Variants in MSTO1 observed in about 807,000 individuals in gnomAD.
MSTO1 encodes misato mitochondrial distribution and morphology regulator 1.
Under a neutral mutation model 55.7 loss-of-function variants are expected in MSTO1, and 24 were observed. The observed-to-expected ratio is 0.43, with a 90% confidence interval of 0.31 to 0.61. The LOEUF is 0.61. Ranked by LOEUF, MSTO1 falls within the 20% of genes least tolerant of loss-of-function variation. The pLI, the probability that MSTO1 is intolerant of heterozygous loss-of-function variation, is 0.09. For missense variants in MSTO1, 363 were observed against 625.7 expected (o/e 0.58, Z 4.48); for synonymous variants, 162 against 252.8 (o/e 0.64, Z 3.41).
chr1:155,604,518 T>G, the MSTO1 span, among the ~76,000 whole-genome samples: 2 of 152,252 alleles, frequency 1.3e-5, no homozygotes, highest in Non-Finnish European at 2.9e-5. Context: ...AATGAGAAAG[T>G]AATTCAAATT....
chr1:155,600,600 T>A, the MSTO1 span, among the ~76,000 whole-genome samples: 1 of 151,708 alleles, frequency 6.6e-6, no homozygotes. Context: ...CAGACTGGAG[T>A]GCAGTGGCAC....
chr1:155,574,778 G>T, the MSTO1 span, among the ~76,000 whole-genome samples: 1 of 152,060 alleles, frequency 6.6e-6, no homozygotes, highest in Non-Finnish European at 1.5e-5. Context: ...ATGTTGCCCA[G>T]GCTGGTCTCG....
At chr1:155,590,713 G>C in the MSTO1 span, 1 of 1,566,500 alleles carries the variant, frequency 6.4e-7, no homozygotes, top group Non-Finnish European at 8.7e-7. Context: ...GGAGGGGCAA[G>C]TGCAGCACAG....
upstream of MSTO1, among the ~76,000 whole-genome samples, chr1:155,609,585 A>G (rs927785184): frequency 6.6e-6 from 1 of 152,188 alleles, no homozygotes. Context: ...TGGCGTATTC[A>G]TACAATGGAC....
the MSTO1 span, among the ~76,000 whole-genome samples, chr1:155,585,316 G>T: frequency 6.6e-6 from 1 of 152,174 alleles, no homozygotes; most frequent in African/African-American, 2.4e-5. Flanking sequence ...GAGGTCAGGA[G>T]ATCGATACCA....
the MSTO1 span, among the ~76,000 whole-genome samples, chr1:155,585,694 T>C: frequency 6.6e-6 from 1 of 152,138 alleles, no homozygotes; most frequent in Non-Finnish European, 1.5e-5. Flanking sequence ...ATTTTCAGCA[T>C]GCAAAATAAT....
the MSTO1 span, among the ~76,000 whole-genome samples, chr1:155,570,962 A>G: frequency 6.6e-6 from 1 of 152,200 alleles, no homozygotes; most frequent in Non-Finnish European, 1.5e-5. Flanking sequence ...TGTATATTGT[A>G]TCATCACTTG....
At chr1:155,598,847 C>A in the MSTO1 span, 1 of 1,420,728 alleles carries the variant, frequency 7.0e-7, no homozygotes, top group Non-Finnish European at 9.9e-7. Context: ...ACCGGAAAAA[C>A]ACTCGGTCTT....
chr1:155,582,552 C>T, the MSTO1 span, among the ~76,000 whole-genome samples: 2,697 of 151,980 alleles, frequency 0.018, 87 homozygotes, highest in African/African-American at 0.063. Context: ...CTCTGCCTCC[C>T]GGGTTCAAGC....
chr1:155,603,473 A>G, the MSTO1 span, among the ~76,000 whole-genome samples: 1 of 152,336 alleles, frequency 6.6e-6, no homozygotes, highest in Non-Finnish European at 1.5e-5. Context: ...AATATACTTC[A>G]GTAATTGGTA....
chr1:155,593,695 G>A, the MSTO1 span, among the ~76,000 whole-genome samples: 3 of 152,236 alleles, frequency 2.0e-5, no homozygotes, highest in Admixed American at 6.5e-5. Context: ...CGGGCCGGGT[G>A]CGGTGGCTCA....
chr1:155,596,835 G>A, the MSTO1 span, among the ~76,000 whole-genome samples: 1 of 151,958 alleles, frequency 6.6e-6, no homozygotes, highest in Non-Finnish European at 1.5e-5. Flanking sequence ...AGTTGTGGTG[G>A]CTCATGCCTG....
the MSTO1 span, among the ~76,000 whole-genome samples, chr1:155,578,950 A>G: frequency 5.6e-4 from 83 of 149,364 alleles, no homozygotes; most frequent in Non-Finnish European, 1.1e-3. Flanking sequence ...GGTGTGAGCC[A>G]CTGCACCCGG....
At chr1:155,581,896 C>T in the MSTO1 span, among the ~76,000 whole-genome samples, 6 of 150,194 alleles carry the variant, frequency 4.0e-5, no homozygotes, top group Non-Finnish European at 5.9e-5. Context: ...CCGGTGCAAG[C>T]GATTCTCCTG....
chr1:155,609,243 A>ATATATATATATATATATTTTT (rs59756178), upstream of MSTO1, among the ~76,000 whole-genome samples: 4 of 54,572 alleles, frequency 7.3e-5, no homozygotes, highest in South Asian at 1.1e-3. Context: ...ATATATATAT[A>ATATATATATATATATATTTTT]TTTTTTTTTT....
chr1:155,595,209 G>C, the MSTO1 span, among the ~76,000 whole-genome samples: 1 of 137,826 alleles, frequency 7.3e-6, no homozygotes, highest in Admixed American at 7.7e-5. Flanking sequence ...ATGGAGTCTC[G>C]GTCTGTCACC....
upstream of MSTO1, among the ~76,000 whole-genome samples, chr1:155,605,470 T>C (rs1239333058): frequency 2.6e-5 from 4 of 152,102 alleles, no homozygotes; most frequent in Non-Finnish European, 2.9e-5. Flanking sequence ...CTTTAAATAC[T>C]CCTATACTAA....
At chr1:155,580,170 G>T in the MSTO1 span, among the ~76,000 whole-genome samples, 2 of 151,546 alleles carry the variant, frequency 1.3e-5, no homozygotes, top group Non-Finnish European at 2.9e-5. Flanking sequence ...GAAGGGAGAG[G>T]TTGCATGGCC....
chr1:155,577,989 C>G, the MSTO1 span, among the ~76,000 whole-genome samples: 1 of 152,164 alleles, frequency 6.6e-6, no homozygotes. Context: ...ATTGATCCAC[C>G]CGCCTTGGCC....
Sources: gnomAD v4.1 joint callset for allele counts (sites outside exome capture counted in the v4.1 genomes callset) on GRCh38, gnomAD v4.1.1 for gene constraint, MANE v1.5 for transcripts, NCBI Gene and HGNC (gene_info 2026-07-23, HGNC 2026-07-21) for gene names.